Variants in TTYH3 observed in about 807,000 individuals in gnomAD.
The protein encoded by TTYH3 is tweety family member 3.
TTYH3 carries 23 observed loss-of-function variants against 68.2 expected under a neutral mutation model. That is an observed-to-expected ratio of 0.34 (90% CI 0.24 to 0.48). The LOEUF is 0.48. Among genes scored for constraint, TTYH3 ranks in the 20% least tolerant of loss-of-function variants. TTYH3 has a pLI of 0.99. For missense variants in TTYH3, 768 were observed against 727.7 expected (o/e 1.06, Z -0.64); for synonymous variants, 360 against 332.8 (o/e 1.08, Z -0.89).
chr7:2,652,060 C>T, intron 7 of TTYH3, 127 bp from the exon 8 acceptor site: 1 of 761,042 alleles, frequency 1.3e-6, no homozygotes, highest in Non-Finnish European at 2.3e-6. Context: ...TGCACACAGA[C>T]ACACATGCAC....
intron 9 of TTYH3, among the ~76,000 whole-genome samples, chr7:2,654,424 A>G (rs1786277694): frequency 6.6e-6 from 1 of 152,094 alleles, no homozygotes; most frequent in Admixed American, 6.5e-5. Context: ...ATGTATGTGT[A>G]TATATATATA....
chr7:2,647,925 C>T lies in TTYH3; in HGVS notation c.627-34C>T, dbSNP rs771925225. On this transcript the variant is annotated intron_variant, in intron 4 of 13. Transcript: ENST00000258796. ...CGCCCCACTCCCAGGCCCCGGGTCCCTGTGCCCTGGCGCACTCCCAGGTTT... is the reference window on the plus strand; with the variant it reads ...CGCCCCACTCCCAGGCCCCGGGTCCTTGTGCCCTGGCGCACTCCCAGGTTT... The T allele has an allele frequency of 2.5e-6, 4 of 1,600,968 alleles. No homozygotes were observed. In the Admixed American group the frequency reaches 6.7e-5, roughly 27 times the overall value.
At chr7:2,651,614 G>A (rs1463790239) in intron 7 of TTYH3, among the ~76,000 whole-genome samples, 4 of 152,232 alleles carry the variant, frequency 2.6e-5, no homozygotes, top group African/African-American at 4.8e-5. Context: ...TCCAGCCTGC[G>A]GGCCAGACAG....
rs546806603 is a variant in TTYH3, at chr7:2,643,537, C to T, written c.124-3316C>T. ...AAGGGCAAGGGTGCCTGGTGCTTAG[C>T]AGCCTCTCCCCACCGGGCATGGGCG... On this transcript the variant is annotated intron_variant, in intron 1 of 13. Transcript: ENST00000258796. Among the ~76,000 whole-genome samples the T allele has an allele frequency of 1.2e-3, 178 of 152,246 alleles. 1 individual carries two copies. The highest frequency in any genetic ancestry group is 2.1e-3 in the Non-Finnish European group (143 of 68,026).
chr7:2,646,267 G>A (rs1336705365), intron 1 of TTYH3, among the ~76,000 whole-genome samples: 3 of 152,086 alleles, frequency 2.0e-5, no homozygotes, highest in Admixed American at 6.5e-5. Context: ...CGCCCGCCTC[G>A]GCCTCCCAAA....
intron 11 of TTYH3, among the ~76,000 whole-genome samples, chr7:2,657,736 A>G: frequency 6.6e-6 from 1 of 152,242 alleles, no homozygotes; most frequent in Admixed American, 6.5e-5. Context: ...CTGCGCAGCC[A>G]AAAGCTACCA....
intron 1 of TTYH3, among the ~76,000 whole-genome samples, chr7:2,640,240 C>T (rs1246232552): frequency 6.6e-6 from 1 of 152,208 alleles, no homozygotes. Flanking sequence ...ATCAGAGTCC[C>T]TGTGAGCACC....
rs180711097 is a variant in TTYH3 at position 2,655,144 on chromosome 7, T to C, written c.1021-948T>C. Among the ~76,000 whole-genome samples, 379 of 151,468 alleles carry C rather than the reference T, an allele frequency of 2.5e-3. 2 individuals are homozygous for C. The highest frequency in any genetic ancestry group is 8.6e-3 in the African/African-American group (355 of 41,320). The stretch of plus-strand genomic sequence containing the variant: ...GCTCTGTTATCCCGAAATCCATTTC[T>C]TTTTTTTTGGTGTTGTTTTTGAGAT... On this transcript the variant is annotated intron_variant, in intron 9 of 13. Coordinates refer to ENST00000258796, the MANE Select transcript of TTYH3 (RefSeq NM_025250.3).
chr7:2,638,629 C>T (rs902282786), intron 1 of TTYH3, among the ~76,000 whole-genome samples: 7 of 152,196 alleles, frequency 4.6e-5, no homozygotes, highest in African/African-American at 1.2e-4. Flanking sequence ...CCGGCTCCCA[C>T]GTGGCCGCTG....
intron 13 of TTYH3, among the ~76,000 whole-genome samples, chr7:2,659,424 C>G (rs1039465502): frequency 1.3e-5 from 2 of 152,230 alleles, no homozygotes; most frequent in African/African-American, 4.8e-5. Context: ...ACCTGCCATT[C>G]TCTGTGCCTT....
At chr7:2,640,045 C>T (rs892135555) in intron 1 of TTYH3, among the ~76,000 whole-genome samples, 1 of 152,202 alleles carries the variant, frequency 6.6e-6, no homozygotes, top group East Asian at 1.9e-4. Flanking sequence ...GACTCTGGAA[C>T]TCCCTGTGCC....
chr7:2,644,015 C>T (rs2114981607), intron 1 of TTYH3, among the ~76,000 whole-genome samples: 1 of 152,254 alleles, frequency 6.6e-6, no homozygotes, highest in South Asian at 2.1e-4. Context: ...GGGGAGGCCT[C>T]TGCAAGTGGA....
intron 1 of TTYH3, among the ~76,000 whole-genome samples, chr7:2,632,644 C>G (rs1396161065): frequency 6.6e-6 from 1 of 152,220 alleles, no homozygotes; most frequent in Non-Finnish European, 1.5e-5. Flanking sequence ...GAGGGCCTCT[C>G]CACCATCACT....
At chr7:2,644,058 C>T (rs1785921011) in intron 1 of TTYH3, among the ~76,000 whole-genome samples, 1 of 152,170 alleles carries the variant, frequency 6.6e-6, no homozygotes, top group African/African-American at 2.4e-5. Context: ...AGGAGTCTGA[C>T]CAGCCCGGGG....
chr7:2,649,795 G>A, intron 6 of TTYH3, 118 bp from the exon 7 acceptor site: 1 of 1,435,242 alleles, frequency 7.0e-7, no homozygotes, highest in South Asian at 1.2e-5. Context: ...TGTAACCCCA[G>A]ATTCACAGTC....
chr7:2,648,693 C>T (rs1276099931), intron 5 of TTYH3, among the ~76,000 whole-genome samples: 1 of 152,028 alleles, frequency 6.6e-6, no homozygotes, highest in African/African-American at 2.4e-5. Flanking sequence ...GTGGCATGGG[C>T]CAGAGGTGAT....
intron 1 of TTYH3, among the ~76,000 whole-genome samples, chr7:2,634,806 G>T (rs1257941964): frequency 6.6e-6 from 1 of 152,126 alleles, no homozygotes; most frequent in African/African-American, 2.4e-5. Context: ...GCAAACTGAG[G>T]CTCCGAATCA....
intron 1 of TTYH3, among the ~76,000 whole-genome samples, chr7:2,633,203 C>A (rs533170250): frequency 6.6e-6 from 1 of 152,296 alleles, no homozygotes; most frequent in East Asian, 1.9e-4. Context: ...GACCAGGGTC[C>A]CTGGTCACCC....
At chr7:2,660,048 C>A in intron 13 of TTYH3, 1 of 1,149,380 alleles carries the variant, frequency 8.7e-7, no homozygotes, top group African/African-American at 4.1e-5. Flanking sequence ...CAGGTACTGA[C>A]CCACCGGTCC....
Sources: gnomAD v4.1 joint callset for allele counts (sites outside exome capture counted in the v4.1 genomes callset) on GRCh38, gnomAD v4.1.1 for gene constraint, MANE v1.5 for transcripts, NCBI Gene and HGNC (gene_info 2026-07-23, HGNC 2026-07-21) for gene names.